Variants in LPAR3 observed in about 807,000 individuals in gnomAD.
The protein encoded by LPAR3 is lysophosphatidic acid receptor 3.
In LPAR3, 7 loss-of-function variants were observed where a neutral mutation model predicts 17.8. The ratio of observed to expected loss-of-function variants is 0.39; its 90% confidence interval spans 0.22 to 0.74. The LOEUF (loss-of-function observed/expected upper bound fraction) is 0.74. Among genes scored for constraint, LPAR3 ranks in the 30% least tolerant of loss-of-function variants. LPAR3 has a pLI of 0.40. For synonymous variants in LPAR3, 179 were observed against 179.9 expected, an observed-to-expected ratio of 0.99 and a Z score of 0.04; for missense variants, 391 against 453.4, an observed-to-expected ratio of 0.86 and a Z score of 1.25.
At chr1:84,876,515 G>A (rs1660262996) in intron 1 of LPAR3, among the ~76,000 whole-genome samples, 1 of 151,972 alleles carries the variant, frequency 6.6e-6, no homozygotes, top group African/African-American at 2.4e-5. Context: ...CTATATAAAG[G>A]TAGCCTCCCC....
chr1:84,826,561 G>A (rs1291402065), intron 2 of LPAR3, among the ~76,000 whole-genome samples: 1 of 151,240 alleles, frequency 6.6e-6, no homozygotes, highest in Non-Finnish European at 1.5e-5. Context: ...ATACTATACA[G>A]CTATTGAAAA....
chr1:84,837,521 C>T (rs1435747517), intron 2 of LPAR3, among the ~76,000 whole-genome samples: 2 of 152,168 alleles, frequency 1.3e-5, no homozygotes, highest in African/African-American at 4.8e-5. Flanking sequence ...AGAGAGTCAA[C>T]AGAGGAGTGT....
chr1:84,822,722 G>T (rs1263412791), intron 2 of LPAR3, among the ~76,000 whole-genome samples: 1 of 152,180 alleles, frequency 6.6e-6, no homozygotes, highest in Non-Finnish European at 1.5e-5. Context: ...TGGGGTTTTG[G>T]TGATGGATAA....
intron 2 of LPAR3, among the ~76,000 whole-genome samples, chr1:84,821,034 G>A (rs529838050): frequency 1.3e-3 from 190 of 150,484 alleles, no homozygotes; most frequent in Non-Finnish European, 2.1e-3. Context: ...AAATAAGTGT[G>A]TGAACTGGGC....
chr1:84,817,261 TCACACACACACACACACA>T (rs71097861), intron 2 of LPAR3, among the ~76,000 whole-genome samples: 6 of 147,428 alleles, frequency 4.1e-5, no homozygotes, highest in African/African-American at 1.5e-4. Context: ...CCAGGATCTA[TCACACACACACACACACA>T]CACACACACA....
chr1:84,841,349 A>G (rs1004743455), intron 2 of LPAR3, among the ~76,000 whole-genome samples: 1 of 152,184 alleles, frequency 6.6e-6, no homozygotes, highest in Admixed American at 6.5e-5. Context: ...AAACATTTTG[A>G]AACAAAAAAA....
rs1368924156 is a variant in LPAR3 at position 84,884,908 on chromosome 1, T to G, written c.-19+8108A>C. 2.6e-5 allele frequency among the ~76,000 whole-genome samples: 4 copies of G among 152,232 alleles called. No homozygotes were observed. The East Asian group carries it at 7.7e-4, about 29-fold the overall frequency. On this transcript the variant is annotated intron_variant, in intron 1 of 2. Coordinates refer to ENST00000370611, the MANE Select transcript of LPAR3 (RefSeq NM_012152.3). The stretch of plus-strand genomic sequence containing the variant: ...GTTCCACTGGTCCTGTTGTAGTGGA[T>G]TCCACCTAACCTTTTATTCCTCTCA...
rs10579519 is a variant in LPAR3, at chr1:84,812,423, C to CTTTTTTTT, written c.*1415_*1422dup. ...CATGTGTTCCCTGACATTCTCTAGTCTTTTTTTTTTTTTTTTTTTTTTTTT... is the reference window on the plus strand; with the variant it reads ...CATGTGTTCCCTGACATTCTCTAGTCTTTTTTTTTTTTTTTTTTTTTTTTTTTTTTTTT... On this transcript the variant is annotated 3_prime_UTR_variant, in exon 3 of 3. Coordinates refer to ENST00000370611, the MANE Select transcript of LPAR3 (RefSeq NM_012152.3). The CTTTTTTTT allele has an allele frequency of 8.0e-5, 6 of 75,090 alleles. No homozygotes were observed. The highest frequency in any genetic ancestry group is 1.2e-4 in the Non-Finnish European group (5 of 42,844). 4.7% of individuals were successfully genotyped at this position (75,090 alleles called of 1,614,324 possible).
intron 1 of LPAR3, among the ~76,000 whole-genome samples, chr1:84,871,661 C>T (rs534948876): frequency 2.6e-5 from 4 of 152,290 alleles, no homozygotes; most frequent in Admixed American, 2.0e-4. Context: ...TCAGCAATCA[C>T]GTCTGTTCAC....
chr1:84,843,933 C>G (rs1438967196), intron 2 of LPAR3, among the ~76,000 whole-genome samples: 1 of 152,224 alleles, frequency 6.6e-6, no homozygotes, highest in African/African-American at 2.4e-5. Flanking sequence ...TCCATGACCA[C>G]CCAGTCTAAA....
At chr1:84,891,085 A>G (rs2102777126) in intron 1 of LPAR3, among the ~76,000 whole-genome samples, 1 of 152,326 alleles carries the variant, frequency 6.6e-6, no homozygotes, top group African/African-American at 2.4e-5. Context: ...GTCTCCATTC[A>G]TAGAAAACAT....
In LPAR3 at chr1:84,858,497, AAAAAAAACCT is replaced by A. The variant is rs1300991496; in HGVS notation, c.736+6878_736+6887del. Among the ~76,000 whole-genome samples the A allele has an allele frequency of 2.7e-5, 4 of 149,646 alleles. No individual in the cohort carries two copies. In the Admixed American group the frequency reaches 2.7e-4, roughly 10 times the overall value. ...CGAGACTGTCTCAAAAAAAAAAAAA[AAAAAAAACCT>A]AAAAAACACGATTCTTACCTATTTC... On this transcript the variant is annotated intron_variant, in intron 2 of 2. Coordinates refer to ENST00000370611, the MANE Select transcript of LPAR3 (RefSeq NM_012152.3).
chr1:84,873,732 G>GT (rs927061146), intron 1 of LPAR3, among the ~76,000 whole-genome samples: 55 of 149,218 alleles, frequency 3.7e-4, no homozygotes, highest in South Asian at 1.7e-3. Flanking sequence ...CTTTTGAACA[G>GT]TTTTTTTTGT....
intron 2 of LPAR3, among the ~76,000 whole-genome samples, chr1:84,863,394 T>C (rs1445408649): frequency 2.6e-5 from 4 of 152,232 alleles, no homozygotes; most frequent in East Asian, 3.8e-4. Context: ...CAGCAACACC[T>C]GGTCTTACAC....
chr1:84,845,318 C>G (rs1334757216), intron 2 of LPAR3, among the ~76,000 whole-genome samples: 1 of 152,148 alleles, frequency 6.6e-6, no homozygotes. Flanking sequence ...TAAGAATACA[C>G]TCTAGGAGGG....
chr1:84,823,035 C>A (rs1398501295), intron 2 of LPAR3, among the ~76,000 whole-genome samples: 2 of 152,150 alleles, frequency 1.3e-5, no homozygotes, highest in Admixed American at 1.3e-4. Flanking sequence ...TAATACTAAC[C>A]TAGTAAGCCG....
intron 2 of LPAR3, among the ~76,000 whole-genome samples, chr1:84,855,200 A>G (rs186528155): frequency 6.6e-6 from 1 of 152,300 alleles, no homozygotes; most frequent in East Asian, 1.9e-4. Context: ...ATAGATACAC[A>G]ATGAACATAG....
chr1:84,851,367 C>A (rs1283733985), intron 2 of LPAR3, among the ~76,000 whole-genome samples: 1 of 151,858 alleles, frequency 6.6e-6, no homozygotes, highest in South Asian at 2.1e-4. Context: ...CACCCCAGGT[C>A]CCACCCAATA....
intron 2 of LPAR3, among the ~76,000 whole-genome samples, chr1:84,840,473 A>T (rs1360818793): frequency 6.6e-6 from 1 of 152,204 alleles, no homozygotes. Flanking sequence ...AAAAACCAAC[A>T]ATGGCAGATG....
Sources: gnomAD v4.1 joint callset for allele counts (sites outside exome capture counted in the v4.1 genomes callset) on GRCh38, gnomAD v4.1.1 for gene constraint, MANE v1.5 for transcripts, NCBI Gene and HGNC (gene_info 2026-07-23, HGNC 2026-07-21) for gene names.